TP53INP2: variants seen among roughly 807,000 people sequenced by gnomAD.
The protein encoded by TP53INP2 is tumor protein p53 inducible nuclear protein 2, also known as tumor protein p53-inducible nuclear protein 2.
A neutral mutation model predicts 17.1 loss-of-function variants in TP53INP2; 12 were observed. That is an observed-to-expected ratio of 0.70 (90% CI 0.45 to 1.14). The LOEUF is 1.14. Ranked by LOEUF, TP53INP2 falls within the 50% of genes most tolerant of loss-of-function variation. The probability of loss-of-function intolerance (pLI) is 0.00; values close to 1 mark genes in which losing one functional copy is unlikely to be tolerated. For missense variants in TP53INP2, 342 were observed against 330.9 expected, an observed-to-expected ratio of 1.03 and a Z score of -0.26; for synonymous variants, 145 against 147.3, an observed-to-expected ratio of 0.98 and a Z score of 0.12.
Position 34,710,005 on chromosome 20 carries a change from A to AGC in TP53INP2, c.414-52_414-51insCG, listed in dbSNP as rs1988130758. ...AGGGTGGGAGATGGCAGCGCCCTCT[A>AGC]GACCCCCCGCCCAGCTTACCCGGCT... On this transcript the variant is annotated intron_variant, in intron 4 of 4. Coordinates refer to ENST00000374810, the MANE Select transcript of TP53INP2 (RefSeq NM_021202.3). This position sits in a 1 kb window ranked among gnomAD's most constrained non-coding sequence, Gnocchi z 4.9. 4 of 421,720 alleles carry AGC rather than the reference A, an allele frequency of 9.5e-6. No homozygotes were observed. Among genetic ancestry groups the AGC allele is most frequent in the East Asian group, 1.2e-4 (2 of 16,062 alleles). The allele number at this position is 421,720 out of a possible 1,614,324, so 26.1% of individuals were successfully genotyped here. A position where few individuals can be genotyped will look rare whatever the true frequency, so the allele number is the denominator to read the frequency against.
intron 2 of TP53INP2, among the ~76,000 whole-genome samples, chr20:34,708,236 T>C (rs1162239272): frequency 6.6e-6 from 1 of 152,162 alleles, no homozygotes. Context: ...TAATAACTAA[T>C]TTATTAGTTT....
At position 34,710,858 on chromosome 20, in the gene TP53INP2, G is replaced by A. The variant is rs1192890023; in HGVS notation, c.*551G>A. 6.6e-6 allele frequency: 1 copy of A among 152,614 alleles called. No homozygotes were observed. Among genetic ancestry groups the A allele is most frequent in the Non-Finnish European group, 1.5e-5 (1 of 68,328 alleles). The allele number at this position is 152,614 out of a possible 1,614,324, so 9.5% of individuals were successfully genotyped here. The stretch of plus-strand genomic sequence containing the variant: ...GCTGCTGTCATTGCCCTCCAGTAAG[G>A]GCTCAGGGTTTTGCTTTTAGTCTCC... On this transcript the variant is annotated 3_prime_UTR_variant, in exon 5 of 5. Coordinates refer to ENST00000374810, the MANE Select transcript of TP53INP2 (RefSeq NM_021202.3). This position sits in a 1 kb window ranked among gnomAD's most constrained non-coding sequence, Gnocchi z 4.9.
In TP53INP2 at chr20:34,708,750, G is replaced by T. The variant is rs567800926; in HGVS notation, c.11G>T (p.Arg4Leu). The change falls in exon 3 of 5, where the codon CGC becomes CTC. Residue 4 changes from arginine (R) to leucine (L), a missense_variant. Coordinates refer to ENST00000374810, the MANE Select transcript of TP53INP2 (RefSeq NM_021202.3). ...GCTTCGCCCCCCACCATGTTCCAGC[G>T]CCTCTCCAGCCTCTTCTTCAGCACC... Reference protein sequence around the residue: MFQRLSSLFFSTPS... With the variant: MFQLLSSLFFSTPS... The T allele has an allele frequency of 5.1e-6, 8 of 1,579,958 alleles. No individual in the cohort carries two copies. The South Asian group carries it at 6.9e-5, about 14-fold the overall frequency.
rs1434563686 is a variant in TP53INP2, at chr20:34,712,150, G to GT, written c.*1845dup. 1 of 152,744 alleles carries GT rather than the reference G, an allele frequency of 6.5e-6. No homozygotes were observed. The highest frequency in any genetic ancestry group is 2.4e-5 in the African/African-American group (1 of 41,438). The allele number at this position is 152,744 out of a possible 1,614,324, so 9.5% of individuals were successfully genotyped here. A position where few individuals can be genotyped will look rare whatever the true frequency, so the allele number is the denominator to read the frequency against. On this transcript the variant is annotated 3_prime_UTR_variant, in exon 5 of 5. Transcript: ENST00000374810. Reference sequence around the variant, plus strand: ...ACGCCAGTCCACTAGGGCCCCAGTAGTTGACAGCCTTGCTCCTCTCCCAAG... The same window carrying GT: ...ACGCCAGTCCACTAGGGCCCCAGTAGTTTGACAGCCTTGCTCCTCTCCCAAG...
rs371524038 is a variant in TP53INP2 at position 34,709,703 on chromosome 20, A to G, written c.413+179A>G. ...GGCCGGTGGGCCTCCGGGCGAGGCTAGAAGCGGGCCTGAGGACGGAGGGGC... is the reference window on the plus strand; with the variant it reads ...GGCCGGTGGGCCTCCGGGCGAGGCTGGAAGCGGGCCTGAGGACGGAGGGGC... On this transcript the variant is annotated intron_variant, in intron 4 of 4. Transcript: ENST00000374810. This position sits in a 1 kb window ranked among gnomAD's most constrained non-coding sequence, Gnocchi z 5.4. Among the ~76,000 whole-genome samples, 9 of 152,030 alleles carry G rather than the reference A, an allele frequency of 5.9e-5. No individual in the cohort carries two copies. In the South Asian group the frequency reaches 1.9e-3, roughly 32 times the overall value.
At position 34,710,004 on chromosome 20, in the gene TP53INP2, TAG is replaced by T; in HGVS notation, c.414-52_414-51del. Reference sequence around the variant, plus strand: ...AAGGGTGGGAGATGGCAGCGCCCTCTAGACCCCCCGCCCAGCTTACCCGGCTT... The same window carrying T: ...AAGGGTGGGAGATGGCAGCGCCCTCTACCCCCCGCCCAGCTTACCCGGCTT... On this transcript the variant is annotated intron_variant, in intron 4 of 4. Transcript: ENST00000374810. The surrounding 1 kb of genome is among the most constrained non-coding windows in gnomAD (Gnocchi z 4.9). The T allele has an allele frequency of 3.4e-5, 17 of 497,150 alleles. No individual in the cohort carries two copies. Among genetic ancestry groups the T allele is most frequent in the Non-Finnish European group, 4.5e-5 (17 of 376,022 alleles). The allele number at this position is 497,150 out of a possible 1,614,324, so 30.8% of individuals were successfully genotyped here.
At chr20:34,704,973 C>T (rs910869) in intron 1 of TP53INP2, among the ~76,000 whole-genome samples, 52,636 of 151,954 alleles carry the variant, frequency 0.35, 9,480 homozygotes, top group Middle Eastern at 0.42. Context: ...GTTGGGACAG[C>T]ACCAGATGGT....
intron 3 of TP53INP2, 62 bp downstream of exon 3, chr20:34,708,925 C>T: frequency 6.3e-7 from 1 of 1,579,444 alleles, no homozygotes; most frequent in Non-Finnish European, 8.6e-7. Context: ...GGCCTAGCAG[C>T]GGAGGGGAAG....
rs1600694486 is a variant in TP53INP2, at chr20:34,709,209, G to A, written c.125-27G>A. 3 of 1,532,468 alleles carry A rather than the reference G, an allele frequency of 2.0e-6. No individual in the cohort carries two copies. The highest frequency in any genetic ancestry group is 1.8e-6 in the Non-Finnish European group (2 of 1,139,462). 94.9% of individuals were successfully genotyped at this position (1,532,468 alleles called of 1,614,324 possible). On this transcript the variant is annotated intron_variant, in intron 3 of 4. Transcript: ENST00000374810. This position sits in a 1 kb window ranked among gnomAD's most constrained non-coding sequence, Gnocchi z 5.4. ...TGCCTCCTCGCTGCTCCCCTCCTCT[G>A]CACGGCTCCCATCCCGCGCCCCGTA... is the stretch of plus-strand genomic sequence containing the variant.
In TP53INP2 at chr20:34,709,241, T is replaced by C. The variant is rs1988085305; in HGVS notation, c.130T>C (p.Tyr44His). 5 of 1,560,782 alleles carry C rather than the reference T, an allele frequency of 3.2e-6. No individual in the cohort carries two copies. The highest frequency in any genetic ancestry group is 4.3e-6 in the Non-Finnish European group (5 of 1,152,896). The change falls in exon 4 of 5, where the codon TAC (tyrosine) becomes CAC (histidine). Residue 44 changes from tyrosine to histidine, a missense_variant. Physicochemically the swap from Tyr to His is moderately conservative, Grantham distance 83 (BLOSUM62 2). Coordinates refer to ENST00000374810, the MANE Select transcript of TP53INP2 (RefSeq NM_021202.3). This position sits in a 1 kb window ranked among gnomAD's most constrained non-coding sequence, Gnocchi z 5.4. ...GWLIIDLPDS[Y>H]AAPPSPGAAP... ...TCCCATCCCGCGCCCCGTAGACAGC[T>C]ACGCGGCTCCACCCAGCCCCGGGGC...
chr20:34,709,455 T>C lies in TP53INP2; in HGVS notation c.344T>C (p.Ile115Thr), dbSNP rs1360688418. 1.9e-6 allele frequency: 3 copies of C among 1,613,436 alleles called. No homozygotes were observed. The highest frequency in any genetic ancestry group is 2.5e-6 in the Non-Finnish European group (3 of 1,179,818). ...TCCGTTTACGTCACCGGCAGCACCA[T>C]AGTGCTAGAGCCCGGGTCCCCTTCC... Reference protein sequence around the residue: ...SMSVYVTGSTIVLEPGSPSPL... With the variant: ...SMSVYVTGSTTVLEPGSPSPL... The change falls in exon 4 of 5, where the codon ATA becomes ACA. Residue 115 changes from isoleucine to threonine, a missense_variant. Ile to Thr is a moderately conservative substitution (Grantham distance 89, BLOSUM62 -1). Transcript: ENST00000374810. This position sits in a 1 kb window ranked among gnomAD's most constrained non-coding sequence, Gnocchi z 5.4.
intron 1 of TP53INP2, 54 bp downstream of exon 1, chr20:34,704,566 C>T (rs1003104234): frequency 5.3e-5 from 8 of 152,206 alleles, no homozygotes; most frequent in Non-Finnish European, 4.4e-5. Context: ...ACACGCCCTG[C>T]GCCCCCCGCG....
intron 1 of TP53INP2, 22 bp from the exon 2 acceptor site, chr20:34,705,336 T>C (rs1236977428): frequency 6.6e-6 from 1 of 152,286 alleles, no homozygotes; most frequent in Non-Finnish European, 1.5e-5. Context: ...CTAGGTGTCC[T>C]TACTCCTGGA....
chr20:34,707,330 G>A (rs1208240803), intron 2 of TP53INP2, among the ~76,000 whole-genome samples: 1 of 152,144 alleles, frequency 6.6e-6, no homozygotes, highest in Non-Finnish European at 1.5e-5. Context: ...AGACACAACC[G>A]AGGTGTGCCA....
chr20:34,708,709 G>A lies in TP53INP2; in HGVS notation c.-31G>A, dbSNP rs771696086. ...TTCCCAGGTTTTTGCACTGCCATAG[G>A]GCGCCCCCGTGAGGCGCTTCGCCCC... On this transcript the variant is annotated 5_prime_UTR_variant, in exon 3 of 5. Coordinates refer to ENST00000374810, the MANE Select transcript of TP53INP2 (RefSeq NM_021202.3). 9.7e-6 allele frequency: 15 copies of A among 1,554,104 alleles called. No homozygotes were observed. In the South Asian group the frequency reaches 1.6e-4, roughly 17 times the overall value.
rs1247756431 is a variant in TP53INP2, at chr20:34,711,663, G to T, written c.*1356G>T. ...CTTCTCCTCCAGTAAATACCTGGAA[G>T]AGGGAACCTGAATCCCTGGGGGAGA... On this transcript the variant is annotated 3_prime_UTR_variant, in exon 5 of 5. Coordinates refer to ENST00000374810, the MANE Select transcript of TP53INP2 (RefSeq NM_021202.3). The surrounding 1 kb of genome is among the most constrained non-coding windows in gnomAD (Gnocchi z 4.1). The T allele has an allele frequency of 6.6e-6, 1 of 152,554 alleles. No individual in the cohort carries two copies. Among genetic ancestry groups the T allele is most frequent in the African/African-American group, 2.4e-5 (1 of 41,446 alleles). 9.5% of individuals were successfully genotyped at this position (152,554 alleles called of 1,614,324 possible).
At position 34,710,433 on chromosome 20, in the gene TP53INP2, T is replaced by C; in HGVS notation, c.*126T>C. 1 of 1,066,244 alleles carries C rather than the reference T, an allele frequency of 9.4e-7. No individual in the cohort carries two copies. The highest frequency in any genetic ancestry group is 1.2e-6 in the Non-Finnish European group (1 of 831,902). 66.0% of individuals were successfully genotyped at this position (1,066,244 alleles called of 1,614,324 possible). On this transcript the variant is annotated 3_prime_UTR_variant, in exon 5 of 5. Transcript: ENST00000374810. This position sits in a 1 kb window ranked among gnomAD's most constrained non-coding sequence, Gnocchi z 4.9. ...GTGAGGTTGGGTGATAGCCGTTCCT[T>C]CCCCGACACCCTCAATTTCCCCATC...
Position 34,709,562 on chromosome 20 carries a change from G to A in TP53INP2, c.413+38G>A, listed in dbSNP as rs1038408082. The A allele has an allele frequency of 1.1e-5, 18 of 1,574,682 alleles. No individual in the cohort carries two copies. The highest frequency in any genetic ancestry group is 1.4e-5 in the Non-Finnish European group (16 of 1,167,400). ...GGGGCGGAGCCTGGAGGCCCAGGGAGACGGATCTTGGAGGCCAGGGTCCAG... is the reference window on the plus strand; with the variant it reads ...GGGGCGGAGCCTGGAGGCCCAGGGAAACGGATCTTGGAGGCCAGGGTCCAG... On this transcript the variant is annotated intron_variant, in intron 4 of 4. Coordinates refer to ENST00000374810, the MANE Select transcript of TP53INP2 (RefSeq NM_021202.3). This position sits in a 1 kb window ranked among gnomAD's most constrained non-coding sequence, Gnocchi z 5.4.
intron 2 of TP53INP2, among the ~76,000 whole-genome samples, chr20:34,706,616 C>T (rs1383856634): frequency 6.6e-6 from 1 of 152,048 alleles, no homozygotes; most frequent in African/African-American, 2.4e-5. Context: ...GATCTCCCAC[C>T]CCCATCCCAC....
Sources: gnomAD v4.1 joint callset for allele counts (sites outside exome capture counted in the v4.1 genomes callset) on GRCh38, gnomAD v4.1.1 for gene constraint, Gnocchi (gnomAD v3.1) non-coding constraint, MANE v1.5 for transcripts, NCBI Gene and HGNC (gene_info 2026-07-23, HGNC 2026-07-21) for gene names.